AP2A1: variants seen among roughly 807,000 people sequenced by gnomAD.
The protein encoded by AP2A1 is adaptor related protein complex 2 subunit alpha 1.
In AP2A1, 21 loss-of-function variants were observed where a neutral mutation model predicts 107.3. The observed-to-expected ratio is 0.20, with a 90% CI of 0.14 to 0.28. The LOEUF is 0.28. AP2A1 is among the 10% of genes least tolerant of loss of function. The pLI is 1.00. For synonymous variants in AP2A1, 602 were observed against 564.8 expected (o/e 1.07, Z -0.93); for missense variants, 873 against 1,307.7 (o/e 0.67, Z 5.13).
intron 7 of AP2A1, chr19:49,797,443 G>A (rs898688997): frequency 6.6e-6 from 1 of 152,100 alleles, no homozygotes; most frequent in African/African-American, 2.4e-5. Context: ...TGTTGTTCTG[G>A]GCCAGGCACA....
chr19:49,791,554 G>A (rs941639280), intron 4 of AP2A1, among the ~76,000 whole-genome samples: 3 of 152,086 alleles, frequency 2.0e-5, no homozygotes, highest in Admixed American at 6.6e-5. Context: ...ATGTGTTTTC[G>A]TGGTGCTGTC....
chr19:49,792,435 G>A (rs753579080), intron 5 of AP2A1, among the ~76,000 whole-genome samples: 1 of 151,800 alleles, frequency 6.6e-6, no homozygotes, highest in Non-Finnish European at 1.5e-5. Flanking sequence ...TGGATTCCTG[G>A]AGCTTCCCCC....
In AP2A1 at chr19:49,801,909, C is replaced by T. The variant is rs2073286053; in HGVS notation, c.1953+20C>T. On this transcript the variant is annotated intron_variant, in intron 14 of 22. Coordinates refer to ENST00000354293, the MANE Select transcript of AP2A1 (RefSeq NM_130787.3). ...ACTGTGGTGAGTCCCCTGGGGTGGG[C>T]CCTGCCAGGGTGCCTGGGGCTGGGT... 6.8e-7 allele frequency: 1 copy of T among 1,464,012 alleles called. No homozygotes were observed. The highest frequency in any genetic ancestry group is 9.0e-7 in the Non-Finnish European group (1 of 1,111,560). The allele number at this position is 1,464,012 out of a possible 1,614,324, so 90.7% of individuals were successfully genotyped here.
rs1331239883 is a variant in AP2A1, at chr19:49,801,276, TC to T, written c.1554-112del. 8.6e-6 allele frequency: 10 copies of T among 1,159,126 alleles called. No homozygotes were observed. In the Admixed American group the frequency reaches 2.1e-4, roughly 24 times the overall value. The allele number at this position is 1,159,126 out of a possible 1,614,324, so 71.8% of individuals were successfully genotyped here. A position where few individuals can be genotyped will look rare whatever the true frequency, so the allele number is the denominator to read the frequency against. ...TGGTGCCTGGGGAGGGCCACTCCCCTCCAGCAGCTTGGGGTCCTGGGACGGG... is the reference window on the plus strand; with the variant it reads ...TGGTGCCTGGGGAGGGCCACTCCCCTCAGCAGCTTGGGGTCCTGGGACGGG... On this transcript the variant is annotated intron_variant, in intron 12 of 22. Transcript: ENST00000354293.
In AP2A1 at chr19:49,801,506, C is replaced by T; in HGVS notation, c.1670C>T (p.Ala557Val). 6.2e-7 allele frequency: 1 copy of T among 1,613,760 alleles called. No individual in the cohort carries two copies. The highest frequency in any genetic ancestry group is 8.5e-7 in the Non-Finnish European group (1 of 1,179,842). ...KFINLFPETKATIQGVLRAGS... is the reference protein window; with the variant it reads ...KFINLFPETKVTIQGVLRAGS... ...ATCAACCTCTTCCCCGAGACCAAGG[C>T]CACCATCCAGGGCGTCCTGCGGGCC... Residue 557 changes from alanine (A) to valine (V), a missense_variant, in exon 13 of 23, where the codon GCC (alanine) becomes GTC (valine). By Grantham distance (64) the Ala-to-Val change is moderately conservative. Around this residue, in one of 4 missense-constraint regions of AP2A1, gnomAD observed 213 missense variants for 443.5 expected, o/e 0.48. Transcript: ENST00000354293.
At chr19:49,776,365 A>G (rs1427811560) in intron 1 of AP2A1, among the ~76,000 whole-genome samples, 1 of 152,010 alleles carries the variant, frequency 6.6e-6, no homozygotes, top group African/African-American at 2.4e-5. Flanking sequence ...TTTGATCCTC[A>G]GATCCCAGCA....
At chr19:49,769,995 G>A (rs538889938) in intron 1 of AP2A1, among the ~76,000 whole-genome samples, 2 of 152,010 alleles carry the variant, frequency 1.3e-5, no homozygotes, top group Non-Finnish European at 2.9e-5. Flanking sequence ...CAGCCTCCCC[G>A]GTAGCTGGGA....
intron 14 of AP2A1, 30 bp downstream of exon 14, chr19:49,801,919 G>A (rs929770562): frequency 6.8e-7 from 1 of 1,460,806 alleles, no homozygotes; most frequent in Non-Finnish European, 9.0e-7. Context: ...CCCTGCCAGG[G>A]TGCCTGGGGC....
At chr19:49,793,175 C>A in intron 6 of AP2A1, 83 bp downstream of exon 6, 1 of 1,284,646 alleles carries the variant, frequency 7.8e-7, no homozygotes, top group Non-Finnish European at 1.1e-6. Context: ...CCCACTCTCC[C>A]TGAGAGGCAG....
chr19:49,782,182 G>T, intron 3 of AP2A1, 93 bp downstream of exon 3: 1 of 1,031,836 alleles, frequency 9.7e-7, no homozygotes. Context: ...GGGGAGGAGG[G>T]GGTCTAGGGG....
intron 3 of AP2A1, 91 bp from the exon 4 acceptor site, chr19:49,782,440 A>G: frequency 7.3e-7 from 1 of 1,361,090 alleles, no homozygotes; most frequent in Non-Finnish European, 9.9e-7. Flanking sequence ...TCTGAGGTTG[A>G]ATCTGGGGCC....
At chr19:49,792,793 G>T (rs2073163006) in intron 5 of AP2A1, among the ~76,000 whole-genome samples, 198 bp from the exon 6 acceptor site, 1 of 152,126 alleles carries the variant, frequency 6.6e-6, no homozygotes, top group Non-Finnish European at 1.5e-5. Flanking sequence ...ACACACCCAG[G>T]TCAGTGCTGG....
chr19:49,796,436 GT>G (rs1233478555), intron 7 of AP2A1: 1 of 152,378 alleles, frequency 6.6e-6, no homozygotes, highest in East Asian at 1.9e-4. Context: ...TCATGGAGCA[GT>G]TTCTTCGGAC....
chr19:49,776,861 AT>A (rs1472466256), intron 1 of AP2A1, among the ~76,000 whole-genome samples: 1 of 152,184 alleles, frequency 6.6e-6, no homozygotes, highest in East Asian at 1.9e-4. Context: ...CTCTCTCTGA[AT>A]TCCTTTTTTT....
chr19:49,778,739 G>T (rs868458823), intron 1 of AP2A1, among the ~76,000 whole-genome samples: 96 of 152,206 alleles, frequency 6.3e-4, no homozygotes, highest in African/African-American at 2.3e-3. Context: ...GTTGCTGACT[G>T]AAATGTTGAT....
Position 49,772,534 on chromosome 19 carries a change from C to G in AP2A1, c.67+5334C>G, listed in dbSNP as rs112137024. ...TTTTGGAAACGGAGTCTCGCTCTGT[C>G]CCCCAGGCTGGAGTGCGGTGGTGCG... On this transcript the variant is annotated intron_variant, in intron 1 of 22. Coordinates refer to ENST00000354293, the MANE Select transcript of AP2A1 (RefSeq NM_130787.3). Among the ~76,000 whole-genome samples the G allele has an allele frequency of 3.5e-3, 527 of 150,542 alleles. 3 individuals carry two copies. The highest frequency in any genetic ancestry group is 0.012 in the African/African-American group (500 of 40,908).
chr19:49,790,157 G>A (rs1045397052), intron 4 of AP2A1, among the ~76,000 whole-genome samples: 5 of 152,162 alleles, frequency 3.3e-5, no homozygotes, highest in Non-Finnish European at 1.5e-5. Context: ...TCCCTTCCGG[G>A]GGCCCTAGAG....
chr19:49,791,109 C>T (rs1405823520), intron 4 of AP2A1, among the ~76,000 whole-genome samples: 1 of 152,246 alleles, frequency 6.6e-6, no homozygotes, highest in Non-Finnish European at 1.5e-5. Context: ...GCTCCTCCTA[C>T]ACACGGGCTC....
rs375646196 is a variant in AP2A1 at position 49,798,809 on chromosome 19, G to A, written c.822G>A (p.Ala274=). The A allele has an allele frequency of 2.3e-5, 37 of 1,604,602 alleles. No homozygotes were observed. The highest frequency in any genetic ancestry group is 1.8e-4 in the South Asian group (16 of 89,024). ...TCCCCTTCGTTTCCCCAGAGGATGCGGCTGTGAAGGGGCGGCTGGTGGAAT... is the reference window on the plus strand; with the variant it reads ...TCCCCTTCGTTTCCCCAGAGGATGCAGCTGTGAAGGGGCGGCTGGTGGAAT... The part of the protein sequence containing the change: ...LLQCYPPPED[A]AVKGRLVECL... Residue 274 remains alanine, a synonymous_variant, in exon 8 of 23, where the codon GCG becomes GCA. Coordinates refer to ENST00000354293, the MANE Select transcript of AP2A1 (RefSeq NM_130787.3).
Sources: allele counts gnomAD v4.1 joint callset (sites outside exome capture counted in the v4.1 genomes callset), GRCh38; gene constraint gnomAD v4.1.1; regional missense constraint gnomAD v4.1.1; transcripts MANE v1.5; gene names NCBI Gene and HGNC (gene_info 2026-07-23, HGNC 2026-07-21).